The following MAGI1 variants were observed in gnomAD, a reference collection of about 807,000 sequenced individuals.
The protein encoded by MAGI1 is membrane-associated guanylate kinase, WW and PDZ domain-containing protein 1.
Under a neutral mutation model 139.9 loss-of-function variants are expected in MAGI1, and 58 were observed. The ratio of observed to expected loss-of-function variants is 0.41; its 90% CI spans 0.34 to 0.52. MAGI1 has a LOEUF of 0.52. Among genes scored for constraint, MAGI1 ranks in the 20% least tolerant of loss-of-function variants. MAGI1 has a pLI of 0.12. For synonymous variants in MAGI1, 812 were observed against 737.9 expected (o/e 1.10, Z -1.63); for missense variants, 1,874 against 1,901.6 (o/e 0.99, Z 0.27).
chr3:65,897,935 A>G (rs1465759109), intron 1 of MAGI1, among the ~76,000 whole-genome samples: 1 of 152,228 alleles, frequency 6.6e-6, no homozygotes, highest in Non-Finnish European at 1.5e-5. Context: ...AAGCATTTCA[A>G]CAACATTCTA....
intron 18 of MAGI1, among the ~76,000 whole-genome samples, chr3:65,369,700 C>A (rs1222373077): frequency 6.6e-6 from 1 of 151,884 alleles, no homozygotes; most frequent in African/African-American, 2.4e-5. Flanking sequence ...GTAGAGACAG[C>A]GTTTCGCCAT....
At chr3:65,566,813 T>TAAGACCTCTAGTA (rs1218705078) in intron 2 of MAGI1, among the ~76,000 whole-genome samples, 2 of 150,300 alleles carry the variant, frequency 1.3e-5, no homozygotes, top group Non-Finnish European at 3.0e-5. Context: ...CTCATAATTT[T>TAAGACCTCTAGTA]TGAGACCTCT....
chr3:65,493,000 C>T (rs909403778), intron 3 of MAGI1, among the ~76,000 whole-genome samples: 1 of 151,560 alleles, frequency 6.6e-6, no homozygotes, highest in Non-Finnish European at 1.5e-5. Context: ...ATGGCATGAA[C>T]CCAGGAGGCA....
At chr3:65,778,072 C>A (rs2038612506) in intron 1 of MAGI1, among the ~76,000 whole-genome samples, 1 of 152,044 alleles carries the variant, frequency 6.6e-6, no homozygotes, top group Admixed American at 6.6e-5. Flanking sequence ...TTCTTTAAAG[C>A]CCCACAACAG....
chr3:65,749,474 G>A (rs2035964290), intron 1 of MAGI1, among the ~76,000 whole-genome samples: 1 of 152,066 alleles, frequency 6.6e-6, no homozygotes, highest in Admixed American at 6.5e-5. Flanking sequence ...TAAGCTATGA[G>A]GATGCAAAGG....
At chr3:65,786,012 C>A (rs2039350102) in intron 1 of MAGI1, among the ~76,000 whole-genome samples, 1 of 151,618 alleles carries the variant, frequency 6.6e-6, no homozygotes, top group Non-Finnish European at 1.5e-5. Context: ...TCAGGGCTCA[C>A]TGCAACCTCT....
intron 1 of MAGI1, among the ~76,000 whole-genome samples, chr3:65,822,371 T>C (rs2041994985): frequency 1.3e-5 from 2 of 151,924 alleles, no homozygotes; most frequent in Admixed American, 1.3e-4. Flanking sequence ...CTACTAAAAA[T>C]ACAAAAATTA....
intron 4 of MAGI1, among the ~76,000 whole-genome samples, chr3:65,472,040 T>A (rs1416638157): frequency 6.6e-6 from 1 of 152,140 alleles, no homozygotes; most frequent in Non-Finnish European, 1.5e-5. Context: ...CTCATTTTGT[T>A]TGCTTGAACC....
chr3:65,447,618 C>T lies in MAGI1; in HGVS notation c.1078+404G>A, dbSNP rs530307084. Among the ~76,000 whole-genome samples, 83 of 152,278 alleles carry T rather than the reference C, an allele frequency of 5.5e-4. No individual in the cohort carries two copies. The Middle Eastern group carries it at 0.01, about 19-fold the overall frequency. On this transcript the variant is annotated intron_variant, in intron 7 of 22. Transcript: ENST00000402939. Reference sequence around the variant, plus strand: ...TCTTAATTGATTTTTGTTTGTCCTGCTTGGCTTTTTTGTATTACCCAAATA... The same window carrying T: ...TCTTAATTGATTTTTGTTTGTCCTGTTTGGCTTTTTTGTATTACCCAAATA...
intron 1 of MAGI1, among the ~76,000 whole-genome samples, chr3:65,661,101 T>C (rs891089760): frequency 3.3e-5 from 5 of 152,064 alleles, no homozygotes; most frequent in African/African-American, 4.8e-5. Flanking sequence ...AAAAAACAAA[T>C]TGAAAAGCCC....
intron 2 of MAGI1, among the ~76,000 whole-genome samples, chr3:65,565,779 C>A (rs1001989477): frequency 6.6e-6 from 1 of 151,140 alleles, no homozygotes; most frequent in Non-Finnish European, 1.5e-5. Flanking sequence ...ATTGCTTGAA[C>A]CCAGGAGGCA....
intron 2 of MAGI1, among the ~76,000 whole-genome samples, chr3:65,589,678 A>C (rs1303945826): frequency 6.6e-6 from 1 of 151,194 alleles, no homozygotes; most frequent in Non-Finnish European, 1.5e-5. Context: ...ACTACTCAAC[A>C]CTCCCAATGT....
intron 2 of MAGI1, among the ~76,000 whole-genome samples, chr3:65,529,590 T>C (rs947483747): frequency 6.6e-5 from 10 of 152,208 alleles, no homozygotes; most frequent in Non-Finnish European, 1.0e-4. Flanking sequence ...TATACCACGC[T>C]TTGTTTATCT....
At chr3:65,957,722 G>A (rs1296240866) in intron 1 of MAGI1, among the ~76,000 whole-genome samples, 1 of 151,912 alleles carries the variant, frequency 6.6e-6, no homozygotes, top group Non-Finnish European at 1.5e-5. Flanking sequence ...GCCTACCCGG[G>A]GGCTTCCTGG....
intron 10 of MAGI1, among the ~76,000 whole-genome samples, chr3:65,432,638 G>A (rs1011964817): frequency 2.6e-5 from 4 of 152,130 alleles, no homozygotes; most frequent in Admixed American, 6.6e-5. Context: ...ACAAGGATTC[G>A]CCACGCAAAG....
chr3:65,583,364 T>C (rs910383578), intron 2 of MAGI1, among the ~76,000 whole-genome samples: 13 of 152,202 alleles, frequency 8.5e-5, no homozygotes, highest in Admixed American at 7.2e-4. Context: ...GCAAGACAGC[T>C]GAATGAAGCT....
intron 1 of MAGI1, among the ~76,000 whole-genome samples, chr3:65,883,823 T>G (rs2060428914): frequency 6.6e-6 from 1 of 152,186 alleles, no homozygotes; most frequent in Non-Finnish European, 1.5e-5. Context: ...TGTGTACACA[T>G]GAATTGCCTG....
At chr3:65,636,703 T>TACACACAC (rs10662746) in intron 1 of MAGI1, among the ~76,000 whole-genome samples, 21,881 of 148,440 alleles carry the variant, frequency 0.15, 1,964 homozygotes, top group Non-Finnish European at 0.21. Context: ...GGAAAACACA[T>TACACACAC]ACACACACAC....
intron 1 of MAGI1, among the ~76,000 whole-genome samples, chr3:65,971,637 GC>G (rs796140436): frequency 1.4e-4 from 21 of 152,246 alleles, no homozygotes; most frequent in African/African-American, 4.3e-4. Context: ...CAACCTGAGG[GC>G]TCACAGGAGC....
Sources: gnomAD v4.1 joint callset for allele counts (sites outside exome capture counted in the v4.1 genomes callset) on GRCh38, gnomAD v4.1.1 for gene constraint, MANE v1.5 for transcripts, NCBI Gene and HGNC (gene_info 2026-07-23, HGNC 2026-07-21) for gene names.